Variants in PTPN9 observed in about 807,000 individuals in gnomAD.
The protein encoded by PTPN9 is tyrosine-protein phosphatase non-receptor type 9.
In PTPN9, 26 loss-of-function variants were observed where a neutral mutation model predicts 69.8. That is an observed-to-expected ratio of 0.37 (90% CI 0.27 to 0.52). The LOEUF is 0.52. Ranked by LOEUF, PTPN9 falls within the 20% of genes least tolerant of loss-of-function variation. The pLI is 0.91. For synonymous variants in PTPN9, 274 were observed against 272.5 expected (o/e 1.01, Z -0.05); for missense variants, 549 against 740.3 (o/e 0.74, Z 3.00).
At chr15:75,515,030 C>T (rs191607259) in intron 5 of PTPN9, among the ~76,000 whole-genome samples, 10 of 152,286 alleles carry the variant, frequency 6.6e-5, no homozygotes, top group African/African-American at 2.4e-4. Context: ...CAACAATCTA[C>T]TCCTAAGTGT....
intron 7 of PTPN9, among the ~76,000 whole-genome samples, chr15:75,496,000 G>A (rs780592946): frequency 1.1e-4 from 17 of 151,412 alleles, no homozygotes; most frequent in African/African-American, 2.2e-4. Flanking sequence ...TTAGCCAGAC[G>A]TGGTGAAGCA....
intron 1 of PTPN9, among the ~76,000 whole-genome samples, chr15:75,553,946 C>A (rs1433001772): frequency 6.6e-6 from 1 of 150,568 alleles, no homozygotes. Flanking sequence ...CAGAAGTATA[C>A]AATTAGACAA....
chr15:75,528,679 C>T (rs2074941547), intron 1 of PTPN9, among the ~76,000 whole-genome samples: 1 of 151,622 alleles, frequency 6.6e-6, no homozygotes, highest in South Asian at 2.1e-4. Context: ...CAGGCATGAG[C>T]CACTGCCCTC....
intron 7 of PTPN9, among the ~76,000 whole-genome samples, chr15:75,494,409 G>A (rs1035249138): frequency 1.3e-4 from 20 of 152,026 alleles, no homozygotes; most frequent in Non-Finnish European, 2.2e-4. Flanking sequence ...CTGGAGTGCA[G>A]TGGCACAATC....
At chr15:75,493,763 TAAAA>T (rs929967833) in intron 7 of PTPN9, among the ~76,000 whole-genome samples, 1 of 145,814 alleles carries the variant, frequency 6.9e-6, no homozygotes, top group African/African-American at 2.5e-5. Flanking sequence ...TCCGTCTCAT[TAAAA>T]AAAAAAGAAA....
At chr15:75,476,160 A>AAAAT (rs549029319) in intron 9 of PTPN9, among the ~76,000 whole-genome samples, 1 of 152,146 alleles carries the variant, frequency 6.6e-6, no homozygotes, top group Non-Finnish European at 1.5e-5. Flanking sequence ...CCCTGTCTCA[A>AAAAT]AAATAAATAA....
At chr15:75,556,036 CAAAAAAAA>C (rs75583219) in intron 1 of PTPN9, among the ~76,000 whole-genome samples, 6 of 43,280 alleles carry the variant, frequency 1.4e-4, no homozygotes, top group South Asian at 9.6e-4. Flanking sequence ...ACCCCCGTCT[CAAAAAAAA>C]AAAAAAAAAA....
intron 11 of PTPN9, 148 bp downstream of exon 11, chr15:75,470,532 T>G (rs1595944212): frequency 3.2e-5 from 30 of 944,572 alleles, no homozygotes; most frequent in Admixed American, 2.4e-5. Context: ...ATATTGGCTG[T>G]GAGTTAAATA....
chr15:75,523,232 G>C lies in PTPN9; in HGVS notation c.311C>G (p.Pro104Arg), dbSNP rs374568016. The C allele has an allele frequency of 5.5e-5, 88 of 1,613,650 alleles. No homozygotes were observed. Among genetic ancestry groups the C allele is most frequent in the Non-Finnish European group, 6.9e-5 (82 of 1,179,916 alleles). The change falls in exon 4 of 13, where the codon CCA becomes CGA. Residue 104 changes from proline (P) to arginine (R), a missense_variant. Coordinates refer to ENST00000618819, the MANE Select transcript of PTPN9 (RefSeq NM_002833.4). The stretch of plus-strand genomic sequence containing the variant: ...AAAGAGGGCAATGGAGGCTCCTGTT[G>C]GGTCCCGAACATTCTAAAGCAAATA... ...GKFTILNVRDPTGASIALFTA... is the reference protein window; with the variant it reads ...GKFTILNVRDRTGASIALFTA...
chr15:75,504,077 T>G (rs1478037643), intron 7 of PTPN9, among the ~76,000 whole-genome samples: 1 of 84,230 alleles, frequency 1.2e-5, no homozygotes, highest in Admixed American at 1.3e-4. Context: ...GGGAGGGAGG[T>G]GGGGGGATCA....
At chr15:75,524,777 C>CAAAAAAAAAA (rs10699634) in intron 2 of PTPN9, among the ~76,000 whole-genome samples, 2 of 72,940 alleles carry the variant, frequency 2.7e-5, no homozygotes, top group Non-Finnish European at 4.4e-5. Context: ...GACTCTGTCT[C>CAAAAAAAAAA]AAAAAAAAAA....
intron 7 of PTPN9, among the ~76,000 whole-genome samples, chr15:75,496,029 C>G (rs2074738907): frequency 6.6e-6 from 1 of 151,390 alleles, no homozygotes; most frequent in Admixed American, 6.6e-5. Flanking sequence ...GTCCCAGCTA[C>G]TCTGGAGGCT....
intron 1 of PTPN9, among the ~76,000 whole-genome samples, chr15:75,528,632 C>A (rs921361779): frequency 2.6e-5 from 4 of 151,486 alleles, no homozygotes; most frequent in Admixed American, 2.0e-4. Flanking sequence ...GGGGCTCAAG[C>A]GATCCTCTCA....
At chr15:75,576,471 G>A (rs1268549147) in intron 1 of PTPN9, among the ~76,000 whole-genome samples, 1 of 152,014 alleles carries the variant, frequency 6.6e-6, no homozygotes, top group Non-Finnish European at 1.5e-5. Context: ...GATGGAGGTT[G>A]CAGTGAGCCG....
In PTPN9 at chr15:75,469,995, C is replaced by A. The variant is rs751926493; in HGVS notation, c.1364G>T (p.Arg455Leu). The change falls in exon 12 of 13, where the codon CGG becomes CTG. Residue 455 changes from arginine to leucine, a missense_variant. This residue lies in a region of PTPN9 where 457 missense variants were observed against 661.9 expected (regional missense o/e 0.69). Transcript: ENST00000618819. ...TTLEIHNTEE[R>L]QKRQVTHFQF... ...GAAGTGGGTCACCTGGCGTTTCTGC[C>A]GTTCCTTAGATAAGAAAAGAAGTAA... 1 of 1,609,894 alleles carries A rather than the reference C, an allele frequency of 6.2e-7. No individual in the cohort carries two copies. The highest frequency in any genetic ancestry group is 1.1e-5 in the South Asian group (1 of 91,000).
intron 1 of PTPN9, among the ~76,000 whole-genome samples, chr15:75,562,558 G>A (rs1016188446): frequency 3.9e-5 from 6 of 152,094 alleles, no homozygotes; most frequent in Non-Finnish European, 5.9e-5. Context: ...TAGGCCGGGC[G>A]CGGTGGCTCA....
intron 8 of PTPN9, among the ~76,000 whole-genome samples, chr15:75,482,291 C>T (rs568035828): frequency 4.3e-4 from 65 of 152,224 alleles, no homozygotes; most frequent in African/African-American, 1.5e-3. Flanking sequence ...CCAGGCCGGG[C>T]GCGGTGGCTC....
intron 1 of PTPN9, among the ~76,000 whole-genome samples, chr15:75,553,353 C>A (rs188139921): frequency 6.6e-6 from 1 of 152,248 alleles, no homozygotes; most frequent in Admixed American, 6.5e-5. Context: ...TACAGAAGCA[C>A]AGTGTCCAAA....
chr15:75,520,906 A>ATGATCCTCCCAGGGCTCAGG (rs1473318967), intron 4 of PTPN9, among the ~76,000 whole-genome samples: 4 of 151,888 alleles, frequency 2.6e-5, no homozygotes, highest in South Asian at 2.1e-4. Flanking sequence ...CAGGGCTCAG[A>ATGATCCTCCCAGGGCTCAGG]TGATCCTCCC....
Sources: gnomAD v4.1 joint callset for allele counts (sites outside exome capture counted in the v4.1 genomes callset) on GRCh38, gnomAD v4.1.1 for gene constraint, gnomAD v4.1.1 regional missense constraint, MANE v1.5 for transcripts, NCBI Gene and HGNC (gene_info 2026-07-23, HGNC 2026-07-21) for gene names.